PARP2: variants seen among roughly 807,000 people sequenced by gnomAD.
PARP2 encodes the protein poly(ADP-ribose) polymerase 2.
In PARP2, 57 loss-of-function variants were observed where a neutral mutation model predicts 77.8. The observed-to-expected ratio is 0.73, with a 90% CI of 0.59 to 0.91. The LOEUF (loss-of-function observed/expected upper bound fraction) is 0.91, where lower values mean the gene tolerates loss of function less well. PARP2 is among the 40% of genes least tolerant of loss of function. The probability of loss-of-function intolerance (pLI) is 0.00; values close to 1 mark genes in which losing one functional copy is unlikely to be tolerated. For synonymous variants in PARP2, 226 were observed against 242.6 expected (o/e 0.93, Z 0.64); for missense variants, 651 against 689.0 (o/e 0.94, Z 0.62).
At chr14:20,353,988 C>A in intron 7 of PARP2, 97 bp from the exon 8 acceptor site, 1 of 1,014,084 alleles carries the variant, frequency 9.9e-7, no homozygotes, top group Non-Finnish European at 1.5e-6. Context: ...AATATAAAAA[C>A]TTTACAAAGC....
Position 20,357,513 on chromosome 14 carries a change from G to A in PARP2, c.1546G>A (p.Val516Ile), listed in dbSNP as rs376772112. 28 of 1,610,528 alleles carry A rather than the reference G, an allele frequency of 1.7e-5. No individual in the cohort carries two copies. Among genetic ancestry groups the A allele is most frequent in the South Asian group, 1.5e-4 (14 of 90,592 alleles). Residue 516 changes from valine to isoleucine, a missense_variant, in exon 15 of 16, where the codon GTC becomes ATC. Transcript: ENST00000429687. The part of the protein sequence containing the change: ...GKMAPSSAHF[V>I]TLNGSTVPLG... ...GATGGCTCCCAGTTCTGCCCACTTC[G>A]TCACCCTGTAAGTACTCAGAACCAG...
chr14:20,354,034 C>T, intron 7 of PARP2, 51 bp from the exon 8 acceptor site: 2 of 1,427,624 alleles, frequency 1.4e-6, no homozygotes, highest in Non-Finnish European at 2.0e-6. Flanking sequence ...TATAAGGAAT[C>T]TAGAGATGAT....
chr14:20,351,533 G>A (rs1036462235), intron 6 of PARP2, among the ~76,000 whole-genome samples: 4 of 152,162 alleles, frequency 2.6e-5, no homozygotes, highest in African/African-American at 9.7e-5. Context: ...TTTTATAGGT[G>A]TGATTTGGCC....
In PARP2 at chr14:20,347,344, ATATGTG is replaced by A. The variant is rs111410587; in HGVS notation, c.324+433_324+438del. Among the ~76,000 whole-genome samples the A allele has an allele frequency of 7.4e-3, 474 of 63,840 alleles. 30 individuals carry two copies. Among genetic ancestry groups the A allele is most frequent in the African/African-American group, 0.054 (425 of 7,866 alleles). 41.9% of individuals were successfully genotyped at this position (63,840 alleles called of 152,430 possible). A position where few individuals can be genotyped will look rare whatever the true frequency, so the allele number is the denominator to read the frequency against. ...CACCACGCCTTGCCTAAAGTCCTTC[ATATGTG>A]TGTGTGTATATATATATATATATAT... On this transcript the variant is annotated intron_variant, in intron 4 of 15. Transcript: ENST00000429687.
chr14:20,344,798 G>C (rs766072073), intron 1 of PARP2, 134 bp from the exon 2 acceptor site: 2 of 658,066 alleles, frequency 3.0e-6, no homozygotes, highest in Non-Finnish European at 5.3e-6. Flanking sequence ...GGGCGAGAGA[G>C]TGAGACTCCA....
Position 20,357,815 on chromosome 14 carries a change from A to G in PARP2, c.*18A>G, listed in dbSNP as rs775732993. 1 of 1,601,960 alleles carries G rather than the reference A, an allele frequency of 6.2e-7. No individual in the cohort carries two copies. Among genetic ancestry groups the G allele is most frequent in the Admixed American group, 1.7e-5 (1 of 57,208 alleles). ...TGTGGTGAATGTTGATATTAAATAA[A>G]CCAGAGATCTGATCTTCAAGCAAGA... On this transcript the variant is annotated 3_prime_UTR_variant, in exon 16 of 16. Transcript: ENST00000429687.
At chr14:20,349,290 A>T (rs974356633) in intron 4 of PARP2, among the ~76,000 whole-genome samples, 2 of 152,224 alleles carry the variant, frequency 1.3e-5, no homozygotes, top group Non-Finnish European at 2.9e-5. Context: ...ATTGCACTCC[A>T]GCCTGGGTGA....
intron 4 of PARP2, 114 bp from the exon 5 acceptor site, chr14:20,350,412 C>T (rs753003312): frequency 2.4e-5 from 14 of 573,472 alleles, no homozygotes; most frequent in Non-Finnish European, 4.4e-5. Flanking sequence ...TTGCCTGATG[C>T]TATCCTTTTC....
Position 20,357,528 on chromosome 14 carries a change from C to T in PARP2, c.1553+8C>T, listed in dbSNP as rs763092852. On this transcript the variant is annotated splice_region_variant and intron_variant, in intron 15 of 15. Coordinates refer to ENST00000429687, the MANE Select transcript of PARP2 (RefSeq NM_001042618.2). ...TGCCCACTTCGTCACCCTGTAAGTA[C>T]TCAGAACCAGGAGGACTAGAAGACT... 1 of 1,607,256 alleles carries T rather than the reference C, an allele frequency of 6.2e-7. No homozygotes were observed.
Position 20,345,457 on chromosome 14 carries a change from T to G in PARP2, c.266T>G (p.Val89Gly). 1 of 1,612,828 alleles carries G rather than the reference T, an allele frequency of 6.2e-7. No individual in the cohort carries two copies. The highest frequency in any genetic ancestry group is 8.5e-7 in the Non-Finnish European group (1 of 1,178,976). ...APVDPECTAK[V>G]GKAHVYCEGN... ...GTGGACCCAGAGTGTACAGCCAAGG[T>G]GGGGAAGGTAAGAGACTCTGGAACC... Residue 89 changes from valine (V) to glycine (G), a missense_variant, in exon 3 of 16, where the codon GTG becomes GGG. Coordinates refer to ENST00000429687, the MANE Select transcript of PARP2 (RefSeq NM_001042618.2).
At position 20,356,419 on chromosome 14, in the gene PARP2, A is replaced by G. The variant is rs1566424741; in HGVS notation, c.1214A>G (p.Glu405Gly). Residue 405 changes from glutamate (E) to glycine (G), a missense_variant, in exon 12 of 16, where the codon GAG (glutamate) becomes GGG (glycine). Physicochemically the swap from Glu to Gly is moderately conservative, Grantham distance 98. Transcript: ENST00000429687. ...EKDGEKEAFR[E>G]DLHNRMLLWH... ...GATGGTGAGAAAGAAGCCTTCAGAG[A>G]GGACCTTCATAACAGGTCTGAGTCT... 2 of 1,614,088 alleles carry G rather than the reference A, an allele frequency of 1.2e-6. No individual in the cohort carries two copies. Among genetic ancestry groups the G allele is most frequent in the Non-Finnish European group, 1.7e-6 (2 of 1,180,026 alleles).
intron 8 of PARP2, 105 bp from the exon 9 acceptor site, chr14:20,354,703 GA>G (rs35609110): frequency 0.19 from 202,193 of 1,052,532 alleles, 16,939 homozygotes; most frequent in South Asian, 0.24. Context: ...TTAAAAACAG[GA>G]AAAAAAAAAG....
At chr14:20,352,433 G>A in intron 7 of PARP2, 86 bp downstream of exon 7, 1 of 780,644 alleles carries the variant, frequency 1.3e-6, no homozygotes, top group Non-Finnish European at 2.1e-6. Flanking sequence ...TGTTGCCCAG[G>A]CTGGGTGGCA....
intron 1 of PARP2, 63 bp from the exon 2 acceptor site, chr14:20,344,869 A>G (rs987166125): frequency 9.2e-5 from 97 of 1,050,178 alleles, no homozygotes; most frequent in Admixed American, 3.1e-4. Flanking sequence ...ATTTTTTTCA[A>G]TCTTTAAAAT....
At chr14:20,343,727 G>A (rs1232026359) in intron 1 of PARP2, 40 bp downstream of exon 1, 3 of 1,600,278 alleles carry the variant, frequency 1.9e-6, no homozygotes, top group East Asian at 2.3e-5. Context: ...GCGGGGGGCG[G>A]GCAGTCAGAA....
At chr14:20,354,983 A>C in intron 9 of PARP2, 36 bp downstream of exon 9, 1 of 1,571,020 alleles carries the variant, frequency 6.4e-7, no homozygotes, top group Non-Finnish European at 8.7e-7. Context: ...TTGTTCTTCT[A>C]CCTATACATA....
At chr14:20,352,428 C>A in intron 7 of PARP2, 81 bp downstream of exon 7, 1 of 849,430 alleles carries the variant, frequency 1.2e-6, no homozygotes, top group Non-Finnish European at 1.9e-6. Flanking sequence ...TGCTCTGTTG[C>A]CCAGGCTGGG....
At chr14:20,350,646 A>G in intron 5 of PARP2, 24 bp downstream of exon 5, 2 of 1,445,046 alleles carry the variant, frequency 1.4e-6, no homozygotes, top group Non-Finnish European at 1.9e-6. Flanking sequence ...TTGAGATTTT[A>G]TGAGTTGGCA....
intron 3 of PARP2, among the ~76,000 whole-genome samples, chr14:20,345,975 C>G (rs2039164539): frequency 6.6e-6 from 1 of 152,122 alleles, no homozygotes; most frequent in African/African-American, 2.4e-5. Context: ...CACTCACTAT[C>G]AAGAGGACAG....
Sources: gnomAD v4.1 joint callset for allele counts (sites outside exome capture counted in the v4.1 genomes callset) on GRCh38, gnomAD v4.1.1 for gene constraint, MANE v1.5 for transcripts, NCBI Gene and HGNC (gene_info 2026-07-23, HGNC 2026-07-21) for gene names.